CD8B2: variants seen among roughly 807,000 people sequenced by gnomAD.
The protein encoded by CD8B2 is CD8B family member 2, also known as T-cell surface glycoprotein CD8 beta-2 chain.
In CD8B2, 11 loss-of-function variants were observed where a neutral mutation model predicts 23.7. That is an observed-to-expected ratio of 0.46 (90% CI 0.29 to 0.77). The LOEUF (loss-of-function observed/expected upper bound fraction) is 0.77, where lower values mean the gene tolerates loss of function less well. Among genes scored for constraint, CD8B2 ranks in the 30% least tolerant of loss-of-function variants. The probability of loss-of-function intolerance (pLI) is 0.09; values close to 1 mark genes in which losing one functional copy is unlikely to be tolerated. For synonymous variants in CD8B2, 90 were observed against 109.3 expected (o/e 0.82, Z 1.10); for missense variants, 197 against 270.5 (o/e 0.73, Z 1.91).
chr2:106,542,881 C>T (rs981297775), intron 5 of CD8B2: 1 of 152,042 alleles, frequency 6.6e-6, no homozygotes, highest in South Asian at 2.1e-4. Context: ...AGCAGTGCCC[C>T]TAACATTTCC....
chr2:106,491,120 G>A lies in CD8B2; in HGVS notation c.290G>A (p.Ser97Asn). 1 of 1,613,840 alleles carries A rather than the reference G, an allele frequency of 6.2e-7. No homozygotes were observed. The highest frequency in any genetic ancestry group is 8.5e-7 in the Non-Finnish European group (1 of 1,179,734). The change falls in exon 2 of 6, where the codon AGC becomes AAC. Residue 97 changes from serine (S) to asparagine (N), a missense_variant. This residue lies in a region of CD8B2 where 140 missense variants were observed against 164.2 expected (regional missense o/e 0.85). Coordinates refer to ENST00000643224, the MANE Select transcript of CD8B2 (RefSeq NM_001349727.2). ...QEKIAVFRDASRFILNLTSVK... is the reference protein window; with the variant it reads ...QEKIAVFRDANRFILNLTSVK... ...AAGATAGCTGTGTTTCGGGATGCAA[G>A]CCGGTTCATTCTCAATCTCACAAGC...
intron 1 of CD8B2, among the ~76,000 whole-genome samples, chr2:106,488,208 C>A (rs1320263655): frequency 5.9e-5 from 9 of 151,580 alleles, no homozygotes; most frequent in African/African-American, 2.2e-4. Flanking sequence ...CAAGGCCTGC[C>A]CGCCGGGGGT....
chr2:106,487,483 G>T lies in CD8B2; in HGVS notation c.43+14G>T, dbSNP rs1679098900. ...CGCAGCTGACAGGTAAGGCGGCGGC[G>T]CGCGGGCTGCCCAAGGTCTGCGCTC... is the stretch of plus-strand genomic sequence containing the variant. On this transcript the variant is annotated intron_variant, in intron 1 of 5. Coordinates refer to ENST00000643224, the MANE Select transcript of CD8B2 (RefSeq NM_001349727.2). 1.6e-6 allele frequency: 2 copies of T among 1,241,484 alleles called. No homozygotes were observed. Among genetic ancestry groups the T allele is most frequent in the African/African-American group, 1.6e-5 (1 of 64,326 alleles). The allele number at this position is 1,241,484 out of a possible 1,614,324, so 76.9% of individuals were successfully genotyped here.
intron 5 of CD8B2, among the ~76,000 whole-genome samples, chr2:106,527,458 C>T (rs2104571652): frequency 6.6e-6 from 1 of 152,318 alleles, no homozygotes; most frequent in South Asian, 2.1e-4. Context: ...ATGCTACCAA[C>T]AGTCTGCCCC....
chr2:106,518,830 A>C (rs2104567312), intron 5 of CD8B2, among the ~76,000 whole-genome samples: 1 of 151,032 alleles, frequency 6.6e-6, no homozygotes, highest in African/African-American at 2.4e-5. Flanking sequence ...CTCACTATCC[A>C]TCCTTCCATC....
chr2:106,533,815 G>A lies in CD8B2; in HGVS notation c.621-10177G>A, dbSNP rs79471251. On this transcript the variant is annotated intron_variant, in intron 5 of 5. Coordinates refer to the CD8B2 transcript ENST00000416057. ...AAACAGCTGACCTGAGCCACAGTAG[G>A]AGGGAGAAGGGATGTTCCCCAAAGG... 7.9e-3 allele frequency among the ~76,000 whole-genome samples: 1,207 copies of A among 152,336 alleles called. 40 individuals are homozygous for A. In the East Asian group the frequency reaches 0.085, roughly 11 times the overall value.
chr2:106,515,271 C>T (rs1679711699), downstream of CD8B2, among the ~76,000 whole-genome samples: 1 of 152,224 alleles, frequency 6.6e-6, no homozygotes, highest in Non-Finnish European at 1.5e-5. Flanking sequence ...CCAGCTAACA[C>T]TGGACAGATA....
intron 5 of CD8B2, 117 bp from the exon 6 acceptor site, chr2:106,506,811 G>T: frequency 8.4e-6 from 12 of 1,422,034 alleles, no homozygotes; most frequent in Non-Finnish European, 1.0e-5. Flanking sequence ...AAAACTCTCG[G>T]CCCCAGGCTA....
chr2:106,491,103 T>C lies in CD8B2; in HGVS notation c.273T>C (p.Ala91=), dbSNP rs757777270. 1.4e-4 allele frequency: 231 copies of C among 1,613,778 alleles called. No homozygotes were observed. The highest frequency in any genetic ancestry group is 1.9e-4 in the Non-Finnish European group (226 of 1,179,800). Residue 91 remains alanine (A), a synonymous_variant, in exon 2 of 6, where the codon GCT becomes GCC. Coordinates refer to ENST00000643224, the MANE Select transcript of CD8B2 (RefSeq NM_001349727.2). ...AAGAGGTGGAACAGGAGAAGATAGC[T>C]GTGTTTCGGGATGCAAGCCGGTTCA... The part of the protein sequence containing the change: ...HGEEVEQEKI[A]VFRDASRFIL...
At chr2:106,542,889 T>G (rs1391837775) in intron 5 of CD8B2, 2 of 152,032 alleles carry the variant, frequency 1.3e-5, no homozygotes, top group African/African-American at 4.8e-5. Flanking sequence ...CCCTAACATT[T>G]CCGTACGTTG....
chr2:106,488,423 G>A (rs899666119), intron 1 of CD8B2, among the ~76,000 whole-genome samples: 19 of 151,886 alleles, frequency 1.3e-4, no homozygotes, highest in Admixed American at 4.6e-4. Context: ...GTTCCTAGGG[G>A]ACAAAAAGCA....
At chr2:106,513,608 C>A (rs1440612440), downstream of CD8B2, among the ~76,000 whole-genome samples, 1 of 151,080 alleles carries the variant, frequency 6.6e-6, no homozygotes, top group African/African-American at 2.4e-5. Flanking sequence ...TCCCCACACA[C>A]CCCTCCCCAG....
chr2:106,517,264 G>T (rs989828813), intron 5 of CD8B2, among the ~76,000 whole-genome samples: 3 of 151,734 alleles, frequency 2.0e-5, no homozygotes, highest in Non-Finnish European at 2.9e-5. Flanking sequence ...TGGTCATGCC[G>T]ACTCCCCCAG....
intron 1 of CD8B2, among the ~76,000 whole-genome samples, chr2:106,490,405 T>C (rs1679170955): frequency 6.6e-6 from 1 of 152,104 alleles, no homozygotes; most frequent in South Asian, 2.1e-4. Context: ...TACATGCCTA[T>C]AGTCTCAGCT....
intron 5 of CD8B2, among the ~76,000 whole-genome samples, chr2:106,520,648 T>C (rs894979478): frequency 6.6e-6 from 1 of 152,130 alleles, no homozygotes; most frequent in Non-Finnish European, 1.5e-5. Context: ...TCTCAGCACT[T>C]TGGGAGGCCG....
chr2:106,495,250 G>C (rs1283427260), intron 2 of CD8B2, among the ~76,000 whole-genome samples: 1 of 145,856 alleles, frequency 6.9e-6, no homozygotes, highest in Non-Finnish European at 1.5e-5. Context: ...GGTGTAGGTC[G>C]GCCGGGTGCG....
At chr2:106,524,525 T>C (rs1679880259) in intron 5 of CD8B2, among the ~76,000 whole-genome samples, 3 of 152,156 alleles carry the variant, frequency 2.0e-5, no homozygotes, top group African/African-American at 7.2e-5. Context: ...CTGAGTCTCT[T>C]GTTTCAGGAG....
chr2:106,500,531 A>AATAG (rs1679385197), intron 3 of CD8B2, among the ~76,000 whole-genome samples: 1 of 148,030 alleles, frequency 6.8e-6, no homozygotes, highest in Non-Finnish European at 1.5e-5. Flanking sequence ...AAAATAAATA[A>AATAG]ATAAATAAAT....
intron 2 of CD8B2, among the ~76,000 whole-genome samples, chr2:106,495,016 C>T (rs1399329496): frequency 2.0e-5 from 3 of 152,086 alleles, no homozygotes; most frequent in Non-Finnish European, 2.9e-5. Context: ...CCGAGTTGGG[C>T]GGAGGGGCTC....
Sources: gnomAD v4.1 joint callset for allele counts (sites outside exome capture counted in the v4.1 genomes callset) on GRCh38, gnomAD v4.1.1 for gene constraint, gnomAD v4.1.1 regional missense constraint, MANE v1.5 for transcripts, NCBI Gene and HGNC (gene_info 2026-07-23, HGNC 2026-07-21) for gene names.